The following TTC23L variants were observed in gnomAD, a reference collection of about 807,000 sequenced individuals.
The protein encoded by TTC23L is tetratricopeptide repeat domain 23 like.
A neutral mutation model predicts 48.1 loss-of-function variants in TTC23L; 42 were observed. The observed-to-expected ratio is 0.87, with a 90% CI of 0.68 to 1.13. The LOEUF (loss-of-function observed/expected upper bound fraction) is 1.13, where lower values mean the gene tolerates loss of function less well. Among genes scored for constraint, TTC23L ranks in the 50% most tolerant of loss-of-function variants. TTC23L has a pLI of 0.00. For missense variants in TTC23L, 391 were observed against 421.0 expected, an observed-to-expected ratio of 0.93 and a Z score of 0.62; for synonymous variants, 159 against 157.2, an observed-to-expected ratio of 1.01 and a Z score of -0.09.
the TTC23L span, among the ~76,000 whole-genome samples, chr5:34,924,440 A>C: frequency 3.9e-3 from 588 of 152,250 alleles, 3 homozygotes; most frequent in African/African-American, 0.013. Flanking sequence ...TATCCTTTTA[A>C]TCTAACTTGA....
chr5:34,843,963 T>TA (rs199746118), intron 2 of TTC23L, among the ~76,000 whole-genome samples: 263 of 151,932 alleles, frequency 1.7e-3, no homozygotes, highest in African/African-American at 6.1e-3. Context: ...GAAACAACAA[T>TA]AAAAAAATCA....
At chr5:34,862,802 T>C in intron 4 of TTC23L, 96 bp from the exon 5 acceptor site, 1 of 1,443,478 alleles carries the variant, frequency 6.9e-7, no homozygotes. Context: ...ATACGACAAC[T>C]GCACTGCCCA....
chr5:34,917,131 C>T, the TTC23L span, among the ~76,000 whole-genome samples: 3 of 151,852 alleles, frequency 2.0e-5, no homozygotes, highest in African/African-American at 7.3e-5. Context: ...AGAGGGAACA[C>T]TCCAAGGGAG....
At position 34,845,469 on chromosome 5, in the gene TTC23L, CCT is replaced by C; in HGVS notation, c.69-12_69-11del. 1 of 1,602,662 alleles carries C rather than the reference CCT, an allele frequency of 6.2e-7. No homozygotes were observed. Among genetic ancestry groups the C allele is most frequent in the Non-Finnish European group, 8.5e-7 (1 of 1,175,794 alleles). The stretch of plus-strand genomic sequence containing the variant: ...GAGAAGGTTAAATCCTGAATCCTTG[CCT>C]CTCTCATACCTACAGGTCACAGCAA... On this transcript the variant is annotated splice_polypyrimidine_tract_variant and intron_variant, in intron 2 of 10. Transcript: ENST00000505624.
At chr5:34,846,575 AAAT>A (rs1316156250) in intron 3 of TTC23L, among the ~76,000 whole-genome samples, 2 of 113,392 alleles carry the variant, frequency 1.8e-5, no homozygotes, top group South Asian at 2.8e-4. Flanking sequence ...AAAAAAAAAA[AAAT>A]ATATATATAT....
intron 4 of TTC23L, among the ~76,000 whole-genome samples, chr5:34,851,158 G>A (rs1412771969): frequency 6.6e-6 from 1 of 152,192 alleles, no homozygotes; most frequent in Non-Finnish European, 1.5e-5. Flanking sequence ...GCATATTACT[G>A]CTTATGAACT....
chr5:34,884,146 G>A (rs1762407673), intron 9 of TTC23L, among the ~76,000 whole-genome samples: 1 of 152,038 alleles, frequency 6.6e-6, no homozygotes, highest in Non-Finnish European at 1.5e-5. Flanking sequence ...CAGAATGAAG[G>A]ATAAAAGTCA....
chr5:34,869,644 T>C (rs1019886060), intron 8 of TTC23L: 1 of 152,280 alleles, frequency 6.6e-6, no homozygotes, highest in Non-Finnish European at 1.5e-5. Context: ...CAGTGGCCTG[T>C]CAGGAGGAAT....
At chr5:34,845,462 A>G in intron 2 of TTC23L, 25 bp from the exon 3 acceptor site, 1 of 1,602,012 alleles carries the variant, frequency 6.2e-7, no homozygotes. Context: ...TAAATCCTGA[A>G]TCCTTGCCTC....
At chr5:34,899,600 TAGGA>T (rs1204363809), downstream of TTC23L, 1 of 152,336 alleles carries the variant, frequency 6.6e-6, no homozygotes, top group African/African-American at 2.4e-5. Flanking sequence ...CATTAGAAAC[TAGGA>T]TCCTGGCTGG....
intron 4 of TTC23L, among the ~76,000 whole-genome samples, chr5:34,853,162 G>A (rs1303031436): frequency 6.6e-6 from 1 of 152,182 alleles, no homozygotes; most frequent in Non-Finnish European, 1.5e-5. Flanking sequence ...TAGAGCTCAG[G>A]AAAGATGTTA....
intron 6 of TTC23L, among the ~76,000 whole-genome samples, chr5:34,866,095 A>C (rs1761031720): frequency 6.6e-6 from 1 of 152,218 alleles, no homozygotes; most frequent in Admixed American, 6.5e-5. Context: ...TGTCTCTGGA[A>C]AGATAAACCT....
At chr5:34,897,333 G>A (rs574607492) in intron 10 of TTC23L, among the ~76,000 whole-genome samples, 6 of 151,976 alleles carry the variant, frequency 3.9e-5, no homozygotes, top group South Asian at 2.1e-4. Flanking sequence ...GCAGTGAGCC[G>A]AGATTGTGCC....
chr5:34,914,591 G>A, the TTC23L span: 8 of 1,038,490 alleles, frequency 7.7e-6, no homozygotes, highest in Non-Finnish European at 1.2e-5. Context: ...CTATTGACAA[G>A]TTATTATGAC....
chr5:34,911,960 T>C, the TTC23L span: 1 of 929,302 alleles, frequency 1.1e-6, no homozygotes. Flanking sequence ...GGATGACATC[T>C]TCCCTGATGA....
the TTC23L span, chr5:34,905,891 A>G: frequency 2.6e-5 from 4 of 152,238 alleles, no homozygotes; most frequent in African/African-American, 7.2e-5. Flanking sequence ...TGACTTAGAA[A>G]CAATTCATTA....
At chr5:34,841,119 T>G (rs1398999812) in intron 2 of TTC23L, among the ~76,000 whole-genome samples, 1 of 152,180 alleles carries the variant, frequency 6.6e-6, no homozygotes, top group Non-Finnish European at 1.5e-5. Context: ...TAATATCTGT[T>G]TGTATTTACA....
the TTC23L span, chr5:34,914,611 A>AT: frequency 6.1e-6 from 8 of 1,303,320 alleles, no homozygotes; most frequent in East Asian, 1.9e-4. Context: ...CTATTAAGTT[A>AT]TTTTGTCTAC....
chr5:34,877,048 T>C (rs1761896009), intron 8 of TTC23L, among the ~76,000 whole-genome samples: 1 of 152,048 alleles, frequency 6.6e-6, no homozygotes, highest in Middle Eastern at 3.4e-3. Flanking sequence ...CTCATGAACA[T>C]AGAGGCAAAA....
Sources: gnomAD v4.1 joint callset for allele counts (sites outside exome capture counted in the v4.1 genomes callset) on GRCh38, gnomAD v4.1.1 for gene constraint, MANE v1.5 for transcripts, NCBI Gene and HGNC (gene_info 2026-07-23, HGNC 2026-07-21) for gene names.